GPHN: variants seen among roughly 807,000 people sequenced by gnomAD.
GPHN encodes the protein gephyrin.
In GPHN, 17 loss-of-function variants were observed where a neutral mutation model predicts 95.5. That is an observed-to-expected ratio of 0.18 (90% CI 0.12 to 0.27). GPHN has a LOEUF of 0.27. Among genes scored for constraint, GPHN ranks in the 10% least tolerant of loss-of-function variants. The pLI is 1.00. For synonymous variants in GPHN, 320 were observed against 322.5 expected (o/e 0.99, Z 0.08); for missense variants, 660 against 978.1 (o/e 0.67, Z 4.34).
At chr14:66,936,813 T>C (rs1306480541) in intron 8 of GPHN, among the ~76,000 whole-genome samples, 2 of 152,236 alleles carry the variant, frequency 1.3e-5, no homozygotes, top group Admixed American at 6.5e-5. Flanking sequence ...TTGTGCAAGA[T>C]ATACAGGCCA....
In GPHN at chr14:66,711,554, C is replaced by T. The variant is rs927249402; in HGVS notation, c.143+30369C>T. ...GACTTCTTTTCCTCTGGGTAGATAC[C>T]CAGTAGTGGGTTTGCTGGATCAAAT... On this transcript the variant is annotated intron_variant, in intron 2 of 22. Transcript: ENST00000478722. Among the ~76,000 whole-genome samples the T allele has an allele frequency of 6.7e-5, 10 of 150,278 alleles. 1 individual carries two copies. In the South Asian group the frequency reaches 1.5e-3, roughly 22 times the overall value.
Position 66,542,539 on chromosome 14 carries a change from G to A in GPHN, c.64+33948G>A, listed in dbSNP as rs74492299. Among the ~76,000 whole-genome samples, 553 of 152,094 alleles carry A rather than the reference G, an allele frequency of 3.6e-3. 11 individuals carry two copies. The highest frequency in any genetic ancestry group is 0.013 in the African/African-American group (527 of 41,472). Reference sequence around the variant, plus strand: ...TTACTTTTCTATAACCAATCCCTTCGTTTGTGCATTAGAATCTATTTCCTA... The same window carrying A: ...TTACTTTTCTATAACCAATCCCTTCATTTGTGCATTAGAATCTATTTCCTA... On this transcript the variant is annotated intron_variant, in intron 1 of 22. Coordinates refer to ENST00000478722, the MANE Select transcript of GPHN (RefSeq NM_020806.5).
the GPHN span, chr14:67,541,890 C>T: frequency 2.5e-6 from 4 of 1,601,560 alleles, no homozygotes; most frequent in Middle Eastern, 1.7e-4. Context: ...AAGGTGGAGG[C>T]GCCGGCCAGC....
chr14:66,508,903 G>A (rs545311406), intron 1 of GPHN, among the ~76,000 whole-genome samples: 1 of 152,164 alleles, frequency 6.6e-6, no homozygotes, highest in South Asian at 2.1e-4. Context: ...CCGCGCTGTC[G>A]GTGCAGGCGG....
At chr14:66,684,743 CTTTTCT>C (rs1401245840) in intron 2 of GPHN, among the ~76,000 whole-genome samples, 4 of 131,370 alleles carry the variant, frequency 3.0e-5, no homozygotes, top group African/African-American at 1.6e-4. Flanking sequence ...TTGCTACTAA[CTTTTCT>C]TTTTTTTTTT....
At chr14:66,613,174 G>C (rs1958001) in intron 1 of GPHN, among the ~76,000 whole-genome samples, 47,171 of 151,884 alleles carry the variant, frequency 0.31, 11,170 homozygotes, top group African/African-American at 0.64. Flanking sequence ...TTTGTGAACT[G>C]ATCAACATAT....
the GPHN span, chr14:67,660,055 G>T: frequency 3.3e-6 from 3 of 912,566 alleles, no homozygotes; most frequent in Non-Finnish European, 4.9e-6. Flanking sequence ...GCTCCATGAG[G>T]CAGGGACCAT....
At chr14:67,565,918 G>A in the GPHN span, among the ~76,000 whole-genome samples, 1 of 151,976 alleles carries the variant, frequency 6.6e-6, no homozygotes, top group Non-Finnish European at 1.5e-5. Flanking sequence ...TCAGGAGTTC[G>A]AGACCAGCCT....
the GPHN span, among the ~76,000 whole-genome samples, chr14:67,505,192 G>C: frequency 6.6e-6 from 1 of 152,112 alleles, no homozygotes; most frequent in Non-Finnish European, 1.5e-5. Flanking sequence ...CTCAAGCTGA[G>C]GGTATAGAGG....
intron 5 of GPHN, among the ~76,000 whole-genome samples, chr14:66,899,927 A>G (rs992535658): frequency 1.3e-5 from 2 of 151,848 alleles, no homozygotes; most frequent in Admixed American, 6.6e-5. Flanking sequence ...TTTACTATAA[A>G]TTGAATTTTC....
At position 66,704,683 on chromosome 14, in the gene GPHN, G is replaced by A. The variant is rs960451218; in HGVS notation, c.143+23498G>A. Among the ~76,000 whole-genome samples, 5 of 152,062 alleles carry A rather than the reference G, an allele frequency of 3.3e-5. No homozygotes were observed. In the South Asian group the frequency reaches 6.2e-4, roughly 19 times the overall value. ...AGAAGTGTGAGAGAGAGAAACTTAC[G>A]GCACTAAATGCCCACATCAGAAAGC... On this transcript the variant is annotated intron_variant, in intron 2 of 22. Transcript: ENST00000478722.
At chr14:67,248,804 A>T in the GPHN span, among the ~76,000 whole-genome samples, 1 of 152,124 alleles carries the variant, frequency 6.6e-6, no homozygotes, top group Non-Finnish European at 1.5e-5. Context: ...CTCTGGACTT[A>T]GTTTACATAC....
the GPHN span, chr14:67,589,915 T>C: frequency 1.5e-6 from 2 of 1,293,220 alleles, no homozygotes; most frequent in Non-Finnish European, 9.8e-7. Flanking sequence ...GGAAATATAC[T>C]GAGTTAGATT....
chr14:66,935,055 T>C (rs1435333999), intron 8 of GPHN, among the ~76,000 whole-genome samples: 1 of 152,106 alleles, frequency 6.6e-6, no homozygotes, highest in Non-Finnish European at 1.5e-5. Flanking sequence ...AGGATGAAAA[T>C]AAATCCTGCT....
intron 1 of GPHN, among the ~76,000 whole-genome samples, chr14:66,631,783 T>C (rs1014167981): frequency 7.9e-5 from 12 of 152,182 alleles, no homozygotes; most frequent in African/African-American, 2.7e-4. Flanking sequence ...TTCTACTTTA[T>C]ATATTTTCTA....
At chr14:66,828,148 A>G (rs2061447852) in intron 4 of GPHN, among the ~76,000 whole-genome samples, 1 of 151,924 alleles carries the variant, frequency 6.6e-6, no homozygotes, top group South Asian at 2.1e-4. Context: ...TTATATGTAT[A>G]TATAAATACA....
At chr14:67,431,272 A>AT in the GPHN span, among the ~76,000 whole-genome samples, 1 of 151,776 alleles carries the variant, frequency 6.6e-6, no homozygotes, top group African/African-American at 2.4e-5. Flanking sequence ...GCTTGCCTGT[A>AT]TCCCAGCTAC....
chr14:67,073,112 A>G (rs1020768625), intron 11 of GPHN, among the ~76,000 whole-genome samples: 6 of 152,116 alleles, frequency 3.9e-5, no homozygotes, highest in African/African-American at 1.2e-4. Context: ...ACACAGGACC[A>G]CTCTTTGTGG....
intron 5 of GPHN, among the ~76,000 whole-genome samples, chr14:66,904,741 T>C (rs2065290384): frequency 6.6e-6 from 1 of 152,082 alleles, no homozygotes; most frequent in Non-Finnish European, 1.5e-5. Flanking sequence ...AGAGGGGAAC[T>C]CTCTAGGCCA....
Sources: gnomAD v4.1 joint callset for allele counts (sites outside exome capture counted in the v4.1 genomes callset) on GRCh38, gnomAD v4.1.1 for gene constraint, MANE v1.5 for transcripts, NCBI Gene and HGNC (gene_info 2026-07-23, HGNC 2026-07-21) for gene names.